Variants in BTN2A1 observed in about 807,000 individuals in gnomAD.
BTN2A1 encodes the protein butyrophilin subfamily 2 member A1.
Under a neutral mutation model 34.5 loss-of-function variants are expected in BTN2A1, and 41 were observed. That is an observed-to-expected ratio of 1.19 (90% CI 0.93 to 1.54). The LOEUF (loss-of-function observed/expected upper bound fraction) is 1.54, where lower values mean the gene tolerates loss of function less well. BTN2A1 is among the 40% of genes most tolerant of loss of function. The probability of loss-of-function intolerance (pLI) is 0.00; values close to 1 mark genes in which losing one functional copy is unlikely to be tolerated. For synonymous variants in BTN2A1, 267 were observed against 258.6 expected, an observed-to-expected ratio of 1.03 and a Z score of -0.31; for missense variants, 642 against 662.0, an observed-to-expected ratio of 0.97 and a Z score of 0.33.
intron 7 of BTN2A1, among the ~76,000 whole-genome samples, chr6:26,474,786 G>T (rs1165600079): frequency 7.0e-6 from 1 of 142,388 alleles, no homozygotes; most frequent in Non-Finnish European, 1.5e-5. Context: ...GAGTCTCACT[G>T]TTGCCCAGGC....
At chr6:26,462,563 A>G (rs370608607) in intron 3 of BTN2A1, among the ~76,000 whole-genome samples, 2 of 152,330 alleles carry the variant, frequency 1.3e-5, no homozygotes, top group East Asian at 3.9e-4. Context: ...AACAAAAGCA[A>G]TACTGCCTAA....
chr6:26,471,732 A>T (rs1320972110), downstream of BTN2A1, among the ~76,000 whole-genome samples: 2 of 152,190 alleles, frequency 1.3e-5, no homozygotes, highest in Admixed American at 6.5e-5. Flanking sequence ...GAGATGGGGA[A>T]ACGGAGAGAC....
exon 8 of BTN2A1, chr6:26,476,520 T>G (rs1763540481): frequency 2.9e-6 from 1 of 343,696 alleles, no homozygotes; most frequent in South Asian, 2.8e-5. Flanking sequence ...AAAAAGAAGC[T>G]GGAGCCCAAC....
downstream of BTN2A1, among the ~76,000 whole-genome samples, chr6:26,474,433 T>C (rs2113872656): frequency 6.6e-6 from 1 of 152,378 alleles, no homozygotes; most frequent in Non-Finnish European, 1.5e-5. Flanking sequence ...TAAACCCTGC[T>C]AAATTTAATT....
downstream of BTN2A1, among the ~76,000 whole-genome samples, chr6:26,472,295 T>C (rs549782287): frequency 6.6e-6 from 1 of 152,258 alleles, no homozygotes; most frequent in East Asian, 1.9e-4. Context: ...CCTCAAGCAA[T>C]TGGCTCAAAC....
At position 26,468,705 on chromosome 6, in the gene BTN2A1, C is replaced by A; in HGVS notation, c.*156C>A. On this transcript the variant is annotated 3_prime_UTR_variant, in exon 8 of 8. Transcript: ENST00000312541. ...TTTCACACCCACTACAGACCTCAGC[C>A]CCAGTTTTCTCCTCCTCACTAGGCT... 6.2e-7 allele frequency: 1 copy of A among 1,613,156 alleles called. No individual in the cohort carries two copies. The highest frequency in any genetic ancestry group is 8.5e-7 in the Non-Finnish European group (1 of 1,179,900).
rs1188512667 is a variant in BTN2A1, at chr6:26,463,460, A to G, written c.647A>G (p.Asn216Ser). 6.2e-7 allele frequency: 1 copy of G among 1,614,154 alleles called. No homozygotes were observed. Among genetic ancestry groups the G allele is most frequent in the Non-Finnish European group, 8.5e-7 (1 of 1,180,010 alleles). Reference sequence around the variant, plus strand: ...ATCATCAGAGACAAGTCTGTGAGGAACATGTCCTGCTCTATCAACAACACC... The same window carrying G: ...ATCATCAGAGACAAGTCTGTGAGGAGCATGTCCTGCTCTATCAACAACACC... ...AVIIRDKSVRNMSCSINNTLL... is the reference protein window; with the variant it reads ...AVIIRDKSVRSMSCSINNTLL... The change falls in exon 4 of 8, where the codon AAC becomes AGC. Residue 216 changes from asparagine to serine, a missense_variant. Coordinates refer to ENST00000312541, the MANE Select transcript of BTN2A1 (RefSeq NM_007049.5).
Position 26,459,829 on chromosome 6 carries a change from G to T in BTN2A1, c.430+1G>T, listed in dbSNP as rs914204718. 5 of 1,609,422 alleles carry T rather than the reference G, an allele frequency of 3.1e-6. No homozygotes were observed. Among genetic ancestry groups the T allele is most frequent in the Non-Finnish European group, 4.2e-6 (5 of 1,176,764 alleles). ...GCCATCCTGCACCTCGTAGTGGCAG[G>T]TGCGTCGCTTCATTTTGCTTTGTTA... On this transcript the variant is annotated splice_donor_variant, in intron 3 of 7. Transcript: ENST00000312541. LOFTEE classifies it high-confidence loss of function.
At chr6:26,463,035 A>T in intron 3 of BTN2A1, 1 of 923,520 alleles carries the variant, frequency 1.1e-6, no homozygotes, top group Non-Finnish European at 1.5e-6. Flanking sequence ...GAGAGCTCAC[A>T]GTTTATGTGG....
Position 26,468,591 on chromosome 6 carries a change from T to C in BTN2A1, c.*42T>C, listed in dbSNP as rs187594588. The C allele has an allele frequency of 2.3e-5, 37 of 1,614,078 alleles. No homozygotes were observed. In the East Asian group the frequency reaches 7.1e-4, roughly 31 times the overall value. On this transcript the variant is annotated 3_prime_UTR_variant, in exon 8 of 8. Coordinates refer to ENST00000312541, the MANE Select transcript of BTN2A1 (RefSeq NM_007049.5). ...TCACAGCCATGTAGACAAGCCCTGG[T>C]CATCTCAGCAGCCACCGCACAACAC...
At chr6:26,475,271 C>G (rs1461156226) in intron 7 of BTN2A1, among the ~76,000 whole-genome samples, 1 of 152,166 alleles carries the variant, frequency 6.6e-6, no homozygotes, top group Non-Finnish European at 1.5e-5. Flanking sequence ...CTGGTTCCTG[C>G]CTGCTTGCCC....
At chr6:26,460,935 T>C (rs1763148614) in intron 3 of BTN2A1, among the ~76,000 whole-genome samples, 1 of 151,988 alleles carries the variant, frequency 6.6e-6, no homozygotes, top group African/African-American at 2.4e-5. Flanking sequence ...ACAAAAAAGA[T>C]ATATTTGAGG....
chr6:26,468,198 G>C lies in BTN2A1; in HGVS notation c.1233G>C (p.Gly411=), dbSNP rs1016988567. 6 of 1,614,084 alleles carry C rather than the reference G, an allele frequency of 3.7e-6. No individual in the cohort carries two copies. The Admixed American group carries it at 5.0e-5, about 13-fold the overall frequency. Residue 411 remains glycine, a synonymous_variant, in exon 8 of 8, where the codon GGG becomes GGC. Transcript: ENST00000312541. ...GVCRDSVERK[G]EVLLIPQNGF... ...GTAGAGACAGTGTTGAGAGGAAAGG[G>C]GAGGTCCTGCTGATTCCTCAGAATG...
chr6:26,458,366 C>G (rs1278777175), intron 1 of BTN2A1, among the ~76,000 whole-genome samples: 2 of 152,176 alleles, frequency 1.3e-5, no homozygotes, highest in African/African-American at 2.4e-5. Flanking sequence ...GAAGAAACTG[C>G]ATTCTGGCCA....
chr6:26,472,498 T>A (rs1189948882), downstream of BTN2A1, among the ~76,000 whole-genome samples: 8 of 152,184 alleles, frequency 5.3e-5, no homozygotes, highest in African/African-American at 1.9e-4. Flanking sequence ...GGAGTTTTAA[T>A]TACTTTAAGG....
intron 1 of BTN2A1, among the ~76,000 whole-genome samples, 192 bp from the exon 2 acceptor site, chr6:26,458,415 A>C (rs1039345385): frequency 1.4e-4 from 22 of 152,110 alleles, no homozygotes; most frequent in Non-Finnish European, 2.9e-4. Context: ...GGCCCCCTTG[A>C]TCTTGGCATT....
chr6:26,471,912 A>G (rs1763459674), downstream of BTN2A1, among the ~76,000 whole-genome samples: 1 of 152,168 alleles, frequency 6.6e-6, no homozygotes, highest in Non-Finnish European at 1.5e-5. Context: ...CAACTTTCCT[A>G]TATGTTTGAA....
chr6:26,460,641 C>T (rs1423233135), intron 3 of BTN2A1, among the ~76,000 whole-genome samples: 3 of 152,160 alleles, frequency 2.0e-5, no homozygotes, highest in Non-Finnish European at 4.4e-5. Flanking sequence ...GGCGTGGTGG[C>T]TCATACCTGT....
At chr6:26,473,370 G>GCT (rs2113871726), downstream of BTN2A1, among the ~76,000 whole-genome samples, 1 of 152,224 alleles carries the variant, frequency 6.6e-6, no homozygotes, top group East Asian at 1.9e-4. Flanking sequence ...AAGAGGTGAA[G>GCT]AAAGCTTCAG....
Sources: gnomAD v4.1 joint callset for allele counts (sites outside exome capture counted in the v4.1 genomes callset) on GRCh38, gnomAD v4.1.1 for gene constraint, MANE v1.5 for transcripts, NCBI Gene and HGNC (gene_info 2026-07-23, HGNC 2026-07-21) for gene names.